CPED1: variants seen among roughly 807,000 people sequenced by gnomAD.
CPED1 encodes the protein cadherin-like and PC-esterase domain-containing protein 1.
Under a neutral mutation model 128.2 loss-of-function variants are expected in CPED1, and 114 were observed. That is an observed-to-expected ratio of 0.89 (90% CI 0.76 to 1.04). The LOEUF is 1.04. Among genes scored for constraint, CPED1 ranks in the 50% least tolerant of loss-of-function variants. The pLI is 0.00. For missense variants in CPED1, 1,211 were observed against 1,207.1 expected (o/e 1.00, Z -0.05); for synonymous variants, 462 against 426.7 (o/e 1.08, Z -1.02).
intron 16 of CPED1, among the ~76,000 whole-genome samples, chr7:121,142,736 T>C (rs1441637008): frequency 6.6e-6 from 1 of 152,000 alleles, no homozygotes; most frequent in African/African-American, 2.4e-5. Context: ...TGTTCTACGG[T>C]TTTTCCCTAT....
At chr7:121,174,197 G>A (rs958957151) in intron 16 of CPED1, among the ~76,000 whole-genome samples, 25 of 152,016 alleles carry the variant, frequency 1.6e-4, no homozygotes, top group African/African-American at 6.0e-4. Context: ...TGATAGTTTT[G>A]TTTGCAGTGC....
At chr7:120,992,877 C>T (rs184233435) in intron 2 of CPED1, among the ~76,000 whole-genome samples, 16 of 152,252 alleles carry the variant, frequency 1.1e-4, no homozygotes, top group African/African-American at 3.6e-4. Flanking sequence ...GGTGACTTTA[C>T]CCTGCACACT....
intron 16 of CPED1, among the ~76,000 whole-genome samples, chr7:121,222,879 A>G (rs1797914545): frequency 6.6e-6 from 1 of 152,158 alleles, no homozygotes; most frequent in Admixed American, 6.5e-5. Flanking sequence ...GGTTTTCTAA[A>G]CATACAATCA....
chr7:121,170,113 C>T (rs767691026), intron 16 of CPED1, among the ~76,000 whole-genome samples: 13 of 152,096 alleles, frequency 8.5e-5, no homozygotes, highest in African/African-American at 3.1e-4. Flanking sequence ...GGTATAAGGT[C>T]GATAGCCAGT....
intron 16 of CPED1, among the ~76,000 whole-genome samples, chr7:121,180,674 GGAGAA>G (rs1224285185): frequency 4.6e-5 from 7 of 151,878 alleles, no homozygotes; most frequent in African/African-American, 1.7e-4. Context: ...GCTACACAAT[GGAGAA>G]GAGAAGAGAG....
chr7:121,088,475 T>A (rs1441072608), intron 5 of CPED1, among the ~76,000 whole-genome samples: 1 of 151,746 alleles, frequency 6.6e-6, no homozygotes, highest in African/African-American at 2.4e-5. Flanking sequence ...CTGACCAACA[T>A]AGTGACACCC....
chr7:121,030,815 G>A (rs1198840060), intron 3 of CPED1, among the ~76,000 whole-genome samples: 1 of 152,164 alleles, frequency 6.6e-6, no homozygotes, highest in Non-Finnish European at 1.5e-5. Context: ...CTTGAGGGGG[G>A]AGGTCTTGAA....
At chr7:121,110,224 C>T (rs573041270) in intron 7 of CPED1, among the ~76,000 whole-genome samples, 13 of 152,214 alleles carry the variant, frequency 8.5e-5, no homozygotes, top group Admixed American at 8.5e-4. Context: ...TACCGGCTAC[C>T]TCTTATATGC....
chr7:121,050,907 G>C (rs1412786911), intron 4 of CPED1: 5 of 484,568 alleles, frequency 1.0e-5, no homozygotes, highest in African/African-American at 2.0e-5. Context: ...CTCGTCACCA[G>C]GATGCCCAAG....
chr7:121,238,045 T>C (rs564627519), intron 17 of CPED1, among the ~76,000 whole-genome samples: 19 of 152,290 alleles, frequency 1.2e-4, no homozygotes, highest in African/African-American at 4.1e-4. Flanking sequence ...CATTAAACAG[T>C]TGTATTCCTC....
chr7:121,010,961 G>A (rs1237698289), intron 2 of CPED1, among the ~76,000 whole-genome samples: 3 of 152,124 alleles, frequency 2.0e-5, no homozygotes. Flanking sequence ...TAAAATAAGA[G>A]TACATTTCAC....
chr7:121,106,701 T>C (rs1563028005), intron 7 of CPED1, among the ~76,000 whole-genome samples: 1 of 152,060 alleles, frequency 6.6e-6, no homozygotes, highest in African/African-American at 2.4e-5. Flanking sequence ...GGAAGGTATA[T>C]GCTGGGATGA....
chr7:121,119,983 T>C (rs566395232), intron 7 of CPED1, among the ~76,000 whole-genome samples: 1 of 152,330 alleles, frequency 6.6e-6, no homozygotes, highest in African/African-American at 2.4e-5. Context: ...GTAGCATGTG[T>C]CACAATTTCC....
chr7:121,236,390 C>T (rs1481155866), intron 16 of CPED1, among the ~76,000 whole-genome samples: 5 of 152,058 alleles, frequency 3.3e-5, no homozygotes, highest in South Asian at 2.1e-4. Flanking sequence ...TCACATGAAC[C>T]GTCTTTTCCA....
chr7:121,118,404 A>G (rs1795304142), intron 7 of CPED1, among the ~76,000 whole-genome samples: 2 of 152,058 alleles, frequency 1.3e-5, no homozygotes, highest in Admixed American at 1.3e-4. Flanking sequence ...TACTGAAAAT[A>G]CAAAAATTAG....
intron 3 of CPED1, among the ~76,000 whole-genome samples, chr7:121,041,953 G>A (rs1793068577): frequency 6.6e-6 from 1 of 152,058 alleles, no homozygotes; most frequent in Admixed American, 6.6e-5. Context: ...CAGCAGCTTT[G>A]CTTCCATGTG....
intron 14 of CPED1, among the ~76,000 whole-genome samples, chr7:121,139,367 A>G (rs1795850570): frequency 6.6e-6 from 1 of 151,876 alleles, no homozygotes; most frequent in Admixed American, 6.6e-5. Flanking sequence ...TGAGAAAACT[A>G]TAGAGTATAG....
chr7:121,140,332 G>A (rs1314204660), intron 14 of CPED1, among the ~76,000 whole-genome samples: 1 of 151,912 alleles, frequency 6.6e-6, no homozygotes, highest in Non-Finnish European at 1.5e-5. Flanking sequence ...TAATGCTGGA[G>A]TTTGCAGTCT....
At chr7:121,017,228 A>G (rs1792325884) in intron 3 of CPED1, among the ~76,000 whole-genome samples, 1 of 152,170 alleles carries the variant, frequency 6.6e-6, no homozygotes. Flanking sequence ...TTCTAGGAGT[A>G]GTGTGGAAAT....
Sources: allele counts gnomAD v4.1 joint callset (sites outside exome capture counted in the v4.1 genomes callset), GRCh38; gene constraint gnomAD v4.1.1; transcripts MANE v1.5; gene names NCBI Gene and HGNC (gene_info 2026-07-23, HGNC 2026-07-21).